Variants in ANKS1B observed in about 807,000 individuals in gnomAD.
ANKS1B encodes the protein ankyrin repeat and sterile alpha motif domain containing 1B.
Under a neutral mutation model 148.3 loss-of-function variants are expected in ANKS1B, and 36 were observed. That is an observed-to-expected ratio of 0.24 (90% CI 0.19 to 0.32). ANKS1B has a LOEUF of 0.32. Among genes scored for constraint, ANKS1B ranks in the 10% least tolerant of loss-of-function variants. ANKS1B has a pLI of 1.00. For synonymous variants in ANKS1B, 542 were observed against 560.8 expected, an observed-to-expected ratio of 0.97 and a Z score of 0.47; for missense variants, 1,157 against 1,542.6, an observed-to-expected ratio of 0.75 and a Z score of 4.19.
chr12:99,590,263 CACACACACA>C (rs2097689076), intron 9 of ANKS1B, among the ~76,000 whole-genome samples: 1 of 144,886 alleles, frequency 6.9e-6, no homozygotes, highest in Non-Finnish European at 1.5e-5. Flanking sequence ...CCCACCCACA[CACACACACA>C]CACACACACA....
chr12:99,819,147 A>G (rs1485103559), intron 2 of ANKS1B, among the ~76,000 whole-genome samples: 1 of 151,898 alleles, frequency 6.6e-6, no homozygotes, highest in African/African-American at 2.4e-5. Context: ...TTTTCTTGAC[A>G]CTTTTACTTC....
At chr12:99,195,353 AT>A (rs1160573880) in intron 14 of ANKS1B, among the ~76,000 whole-genome samples, 1 of 152,164 alleles carries the variant, frequency 6.6e-6, no homozygotes, top group Non-Finnish European at 1.5e-5. Context: ...GATTTTGAGC[AT>A]GGATTTCTAA....
At position 98,801,552 on chromosome 12, in the gene ANKS1B, A is replaced by C. The variant is rs1301906368; in HGVS notation, c.3142-427T>G. On this transcript the variant is annotated intron_variant, in intron 20 of 26. Coordinates refer to ENST00000683438, the MANE Select transcript of ANKS1B (RefSeq NM_001352186.2). The surrounding 1 kb of genome is among the most constrained non-coding windows in gnomAD (Gnocchi z 5.2). ...CTATAAATTTCAGTTCCCAAATATGACATGTACTAGCCACTTTGAATAATT... is the reference window on the plus strand; with the variant it reads ...CTATAAATTTCAGTTCCCAAATATGCCATGTACTAGCCACTTTGAATAATT... 6.6e-6 allele frequency among the ~76,000 whole-genome samples: 1 copy of C among 152,216 alleles called. No homozygotes were observed. The highest frequency in any genetic ancestry group is 2.4e-5 in the African/African-American group (1 of 41,468).
intron 12 of ANKS1B, among the ~76,000 whole-genome samples, chr12:99,319,564 G>A (rs890917962): frequency 6.6e-6 from 1 of 152,174 alleles, no homozygotes; most frequent in Non-Finnish European, 1.5e-5. Flanking sequence ...TTGAGCCTAT[G>A]TGTGTCTCTG....
chr12:99,443,713 T>C lies in ANKS1B; in HGVS notation c.1535A>G (p.Asp512Gly). Residue 512 changes from aspartate (D) to glycine (G), a missense_variant, in exon 11 of 27, where the codon GAT becomes GGT. By Grantham distance (94) the Asp-to-Gly change is moderately conservative. This residue lies in a region of ANKS1B where 661 missense variants were observed against 642.1 expected (regional missense o/e 1.03). Transcript: ENST00000683438. ...TTTTACAATATTTTTGAGGGCAGTA[T>C]CAGGGGATGGAGGTGAACAATCAGG... ...PTPDCSPPSP[D>G]TALKNIVKVI... is the part of the protein sequence containing the mutation. 6.2e-7 allele frequency: 1 copy of C among 1,612,268 alleles called. No individual in the cohort carries two copies. Among genetic ancestry groups the C allele is most frequent in the Non-Finnish European group, 8.5e-7 (1 of 1,178,884 alleles).
chr12:99,931,302 T>C (rs1422854970), intron 1 of ANKS1B, among the ~76,000 whole-genome samples: 2 of 152,014 alleles, frequency 1.3e-5, no homozygotes, highest in East Asian at 3.9e-4. Context: ...GTAACAAACC[T>C]GCACGTTGTG....
chr12:99,675,504 T>C (rs1269503443), intron 8 of ANKS1B, among the ~76,000 whole-genome samples: 1 of 151,952 alleles, frequency 6.6e-6, no homozygotes, highest in African/African-American at 2.4e-5. Flanking sequence ...TTTAAATGTT[T>C]TTTAATAAAA....
At chr12:99,858,116 C>CA (rs982951569) in intron 1 of ANKS1B, among the ~76,000 whole-genome samples, 1 of 152,104 alleles carries the variant, frequency 6.6e-6, no homozygotes, top group African/African-American at 2.4e-5. Context: ...GAGTGGGAGA[C>CA]AATCTTCACA....
intron 1 of ANKS1B, among the ~76,000 whole-genome samples, chr12:99,913,722 A>G (rs540490904): frequency 1.6e-4 from 25 of 152,148 alleles, no homozygotes; most frequent in Non-Finnish European, 2.8e-4. Context: ...GAAAATATAT[A>G]TATTTGGGGG....
chr12:99,063,597 G>A (rs2043137975), intron 16 of ANKS1B, among the ~76,000 whole-genome samples: 1 of 152,210 alleles, frequency 6.6e-6, no homozygotes, highest in Non-Finnish European at 1.5e-5. Flanking sequence ...ACTTTGCTGG[G>A]AGGGACGTCT....
At chr12:99,645,572 G>C (rs540019912) in intron 9 of ANKS1B, among the ~76,000 whole-genome samples, 2 of 152,258 alleles carry the variant, frequency 1.3e-5, no homozygotes, top group East Asian at 3.9e-4. Flanking sequence ...CAACAGAGAG[G>C]AGAGAGTATA....
intron 15 of ANKS1B, among the ~76,000 whole-genome samples, chr12:99,124,672 T>C (rs1286535480): frequency 6.6e-6 from 1 of 151,646 alleles, no homozygotes; most frequent in African/African-American, 2.4e-5. Context: ...TGATAGAGAA[T>C]AGAACACAAA....
At chr12:98,862,939 T>G (rs141409419) in intron 17 of ANKS1B, among the ~76,000 whole-genome samples, 1 of 152,194 alleles carries the variant, frequency 6.6e-6, no homozygotes, top group East Asian at 1.9e-4. Context: ...CCACAGACAG[T>G]TGCATTTCAT....
Position 99,802,170 on chromosome 12 carries a change from G to A in ANKS1B, c.669+4234C>T, listed in dbSNP as rs188656116. On this transcript the variant is annotated intron_variant, in intron 4 of 26. Coordinates refer to ENST00000683438, the MANE Select transcript of ANKS1B (RefSeq NM_001352186.2). The stretch of plus-strand genomic sequence containing the variant: ...TTAACAGCTCTTAGCATGGAAACTT[G>A]TACTTTTTATTATTAACTTTCTGTA... Among the ~76,000 whole-genome samples the A allele has an allele frequency of 7.1e-3, 1,075 of 152,236 alleles. 10 individuals carry two copies. Among genetic ancestry groups the A allele is most frequent in the African/African-American group, 0.024 (995 of 41,566 alleles).
chr12:99,735,302 A>G (rs986862410), intron 8 of ANKS1B, among the ~76,000 whole-genome samples: 10 of 152,196 alleles, frequency 6.6e-5, no homozygotes, highest in African/African-American at 2.4e-4. Flanking sequence ...GAGACCACAA[A>G]AATAAAAAAG....
At chr12:99,154,145 C>T in intron 15 of ANKS1B, 144 bp downstream of exon 15, 1 of 997,438 alleles carries the variant, frequency 1.0e-6, no homozygotes. Flanking sequence ...AAGTTCAGTC[C>T]TAAGGGCATC....
intron 12 of ANKS1B, among the ~76,000 whole-genome samples, chr12:99,398,959 G>A (rs1446004322): frequency 6.6e-6 from 1 of 152,038 alleles, no homozygotes; most frequent in African/African-American, 2.4e-5. Flanking sequence ...TCTCTATATT[G>A]TATTTGTCTT....
At chr12:99,696,805 G>A (rs1218500353) in intron 8 of ANKS1B, among the ~76,000 whole-genome samples, 5 of 152,264 alleles carry the variant, frequency 3.3e-5, no homozygotes, top group Non-Finnish European at 7.4e-5. Context: ...CCACAGACTT[G>A]GAGAAGATCT....
At chr12:99,411,598 G>A (rs374978223) in intron 11 of ANKS1B, among the ~76,000 whole-genome samples, 12 of 152,060 alleles carry the variant, frequency 7.9e-5, no homozygotes, top group South Asian at 2.1e-4. Context: ...TACATATGAC[G>A]AAAATATTTA....
Sources: allele counts gnomAD v4.1 joint callset (sites outside exome capture counted in the v4.1 genomes callset), GRCh38; gene constraint gnomAD v4.1.1; regional missense constraint gnomAD v4.1.1; non-coding constraint Gnocchi (gnomAD v3.1); transcripts MANE v1.5; gene names NCBI Gene and HGNC (gene_info 2026-07-23, HGNC 2026-07-21).